Variants in MAPK10 observed in about 807,000 individuals in gnomAD.
The protein encoded by MAPK10 is JNK3 alpha protein kinase.
A neutral mutation model predicts 59.3 loss-of-function variants in MAPK10; 25 were observed. The ratio of observed to expected loss-of-function variants is 0.42; its 90% CI spans 0.31 to 0.59. The LOEUF (loss-of-function observed/expected upper bound fraction) is 0.59. MAPK10 is among the 20% of genes least tolerant of loss of function. MAPK10 has a pLI of 0.15. For synonymous variants in MAPK10, 190 were observed against 200.5 expected (o/e 0.95, Z 0.44); for missense variants, 351 against 568.9 (o/e 0.62, Z 3.90).
intron 10 of MAPK10, among the ~76,000 whole-genome samples, chr4:86,066,876 T>C (rs528816886): frequency 4.7e-5 from 7 of 150,138 alleles, no homozygotes; most frequent in Non-Finnish European, 1.0e-4. Context: ...TAGGAAACAA[T>C]ATGGGAAAAT....
chr4:86,250,755 T>G (rs1041335414), intron 2 of MAPK10, among the ~76,000 whole-genome samples: 1 of 152,142 alleles, frequency 6.6e-6, no homozygotes, highest in South Asian at 2.1e-4. Flanking sequence ...CAATGCTTCC[T>G]TAACAATGTA....
chr4:86,076,248 C>G (rs913291836), intron 9 of MAPK10, among the ~76,000 whole-genome samples: 5 of 152,186 alleles, frequency 3.3e-5, no homozygotes. Context: ...CGCCCTGCTT[C>G]GGCTCGCGCA....
chr4:86,406,768 G>A (rs1221679997), intron 1 of MAPK10, among the ~76,000 whole-genome samples: 1 of 152,194 alleles, frequency 6.6e-6, no homozygotes, highest in Non-Finnish European at 1.5e-5. Context: ...AGGCTGGACA[G>A]GAGAACCGCC....
intron 2 of MAPK10, among the ~76,000 whole-genome samples, chr4:86,199,781 T>A (rs1031596393): frequency 6.6e-6 from 1 of 152,018 alleles, no homozygotes; most frequent in Non-Finnish European, 1.5e-5. Context: ...CACAAGGAAT[T>A]AGTGGTCCTT....
chr4:86,204,907 A>C (rs1052569017), intron 2 of MAPK10, among the ~76,000 whole-genome samples: 4 of 152,040 alleles, frequency 2.6e-5, no homozygotes, highest in African/African-American at 9.7e-5. Flanking sequence ...TAAAATTATA[A>C]AAAAATGTTC....
At chr4:86,076,370 G>A (rs2149019556) in intron 9 of MAPK10, among the ~76,000 whole-genome samples, 1 of 152,324 alleles carries the variant, frequency 6.6e-6, no homozygotes, top group Non-Finnish European at 1.5e-5. Context: ...CGCTCACGCT[G>A]GGAGCTGTAG....
chr4:86,040,411 T>C (rs2041273849), intron 11 of MAPK10, among the ~76,000 whole-genome samples: 1 of 152,152 alleles, frequency 6.6e-6, no homozygotes, highest in African/African-American at 2.4e-5. Flanking sequence ...AAAGAATTTG[T>C]AGCCTTGAAG....
chr4:86,525,325 C>T (rs776537844), intron 1 of MAPK10, among the ~76,000 whole-genome samples: 5 of 151,880 alleles, frequency 3.3e-5, no homozygotes, highest in East Asian at 1.9e-4. Flanking sequence ...AAAAAGAAAA[C>T]GAAACACAAG....
intron 1 of MAPK10, among the ~76,000 whole-genome samples, chr4:86,411,401 G>A (rs1235225278): frequency 1.3e-5 from 2 of 152,204 alleles, no homozygotes; most frequent in Non-Finnish European, 2.9e-5. Context: ...GGAGAGTTGT[G>A]TAGATGTCTA....
At chr4:86,484,101 T>G (rs145770074) in intron 1 of MAPK10, among the ~76,000 whole-genome samples, 62 of 152,240 alleles carry the variant, frequency 4.1e-4, no homozygotes, top group African/African-American at 1.4e-3. Context: ...AATGGAGGCT[T>G]GGTATTCCAT....
intron 1 of MAPK10, among the ~76,000 whole-genome samples, chr4:86,371,569 G>A (rs1189193677): frequency 6.6e-6 from 1 of 152,188 alleles, no homozygotes; most frequent in Non-Finnish European, 1.5e-5. Flanking sequence ...AAAAATGCGA[G>A]TGAACTCAAT....
chr4:86,067,740 T>C (rs1387764754), intron 10 of MAPK10, 33 bp downstream of exon 10: 2 of 1,576,608 alleles, frequency 1.3e-6, no homozygotes, highest in Non-Finnish European at 1.7e-6. Context: ...GTCACCCTCA[T>C]AGTTGTCCTC....
At position 86,222,448 on chromosome 4, in the gene MAPK10, G is replaced by A. The variant is rs567494894; in HGVS notation, c.-6-28041C>T. Among the ~76,000 whole-genome samples, 101 of 152,208 alleles carry A rather than the reference G, an allele frequency of 6.6e-4. 1 individual carries two copies. In the South Asian group the frequency reaches 0.02, roughly 29 times the overall value. On this transcript the variant is annotated intron_variant, in intron 2 of 13. Coordinates refer to ENST00000641462, the MANE Select transcript of MAPK10 (RefSeq NM_138982.4). ...CTTCCCCAGTGACTGTGCAATGCAA[G>A]GTACAAAGCCTTCACACCACCTCCA...
At chr4:86,326,124 G>T (rs1195717858) in intron 2 of MAPK10, 3 of 152,192 alleles carry the variant, frequency 2.0e-5, no homozygotes, top group African/African-American at 7.2e-5. Context: ...ATTGCAAAAT[G>T]TATGTGCCTT....
chr4:86,031,269 A>G, intron 12 of MAPK10, 99 bp downstream of exon 12: 1 of 849,230 alleles, frequency 1.2e-6, no homozygotes, highest in Non-Finnish European at 1.9e-6. Flanking sequence ...AGCAGTCAGC[A>G]AATCATTTTT....
At chr4:86,182,263 A>G (rs1235568997) in intron 3 of MAPK10, among the ~76,000 whole-genome samples, 4 of 152,174 alleles carry the variant, frequency 2.6e-5, no homozygotes, top group African/African-American at 4.8e-5. Flanking sequence ...TCTTCAAATA[A>G]TTGAGTTAAG....
At chr4:86,207,930 G>A in intron 2 of MAPK10, among the ~76,000 whole-genome samples, 1 of 152,066 alleles carries the variant, frequency 6.6e-6, no homozygotes, top group Non-Finnish European at 1.5e-5. Context: ...TTGCTTATCA[G>A]CTTAAGGAGA....
At chr4:86,387,337 CA>C (rs1215530256) in intron 1 of MAPK10, among the ~76,000 whole-genome samples, 1 of 152,096 alleles carries the variant, frequency 6.6e-6, no homozygotes, top group Non-Finnish European at 1.5e-5. Context: ...TGATTTTCTG[CA>C]CTATTACTAA....
At chr4:86,069,873 T>C (rs900922224) in intron 9 of MAPK10, among the ~76,000 whole-genome samples, 5 of 151,054 alleles carry the variant, frequency 3.3e-5, no homozygotes, top group Non-Finnish European at 7.4e-5. Context: ...TATAAAGATA[T>C]ACAGTAAATA....
Sources: allele counts gnomAD v4.1 joint callset (sites outside exome capture counted in the v4.1 genomes callset), GRCh38; gene constraint gnomAD v4.1.1; transcripts MANE v1.5; gene names NCBI Gene and HGNC (gene_info 2026-07-23, HGNC 2026-07-21).